ZNF804A: variants seen among roughly 807,000 people sequenced by gnomAD.
ZNF804A encodes the protein zinc finger protein 804A.
A neutral mutation model predicts 16.5 loss-of-function variants in ZNF804A; 2 were observed. That is an observed-to-expected ratio of 0.12 (90% confidence interval 0.05 to 0.38). The LOEUF (loss-of-function observed/expected upper bound fraction) is 0.38. Among genes scored for constraint, ZNF804A ranks in the 10% least tolerant of loss-of-function variants. The probability of loss-of-function intolerance (pLI) is 0.99; values close to 1 mark genes in which losing one functional copy is unlikely to be tolerated. For synonymous variants in ZNF804A, 534 were observed against 489.6 expected (o/e 1.09, Z -1.20); for missense variants, 1,473 against 1,390.7 (o/e 1.06, Z -0.94).
At chr2:184,802,295 T>C (rs1694739058) in intron 1 of ZNF804A, among the ~76,000 whole-genome samples, 1 of 152,170 alleles carries the variant, frequency 6.6e-6, no homozygotes, top group African/African-American at 2.4e-5. Context: ...CCAAGTAAAG[T>C]TAGGCTCTGC....
At chr2:184,631,132 G>T (rs930793640) in intron 1 of ZNF804A, among the ~76,000 whole-genome samples, 1 of 152,034 alleles carries the variant, frequency 6.6e-6, no homozygotes, top group Non-Finnish European at 1.5e-5. Context: ...AATATAAACA[G>T]CCATTCAAGC....
intron 1 of ZNF804A, among the ~76,000 whole-genome samples, chr2:184,854,824 A>G (rs890538397): frequency 2.6e-5 from 4 of 152,068 alleles, no homozygotes; most frequent in South Asian, 2.1e-4. Flanking sequence ...AAGTAAACAT[A>G]TGCTACTTAA....
intron 1 of ZNF804A, among the ~76,000 whole-genome samples, chr2:184,764,627 CA>C (rs1422528605): frequency 2.0e-5 from 3 of 152,016 alleles, no homozygotes; most frequent in African/African-American, 7.2e-5. Context: ...AAAAAAGATA[CA>C]AAACAACAAT....
At position 184,648,063 on chromosome 2, in the gene ZNF804A, G is replaced by A. The variant is rs190091565; in HGVS notation, c.111+48993G>A. 4.2e-3 allele frequency among the ~76,000 whole-genome samples: 641 copies of A among 152,204 alleles called. 3 individuals are homozygous for A. The highest frequency in any genetic ancestry group is 6.8e-3 in the Middle Eastern group (2 of 294). On this transcript the variant is annotated intron_variant, in intron 1 of 3. Transcript: ENST00000302277. ...TCAGCAGAACAAAGGCCAGATGGGG[G>A]CCCGATTTGCACATGTCCCCTAGAA...
chr2:184,917,667 A>G (rs1685471799), intron 2 of ZNF804A, among the ~76,000 whole-genome samples: 2 of 152,160 alleles, frequency 1.3e-5, no homozygotes, highest in South Asian at 4.2e-4. Context: ...TTAAACTATC[A>G]TAGGTGTGTG....
intron 2 of ZNF804A, among the ~76,000 whole-genome samples, chr2:184,884,584 T>C (rs1684857799): frequency 6.6e-6 from 1 of 152,010 alleles, no homozygotes; most frequent in Non-Finnish European, 1.5e-5. Context: ...CAGAGCACCA[T>C]GGTACTGATA....
chr2:184,722,286 T>A (rs1396629278), intron 1 of ZNF804A, among the ~76,000 whole-genome samples: 1 of 152,024 alleles, frequency 6.6e-6, no homozygotes, highest in African/African-American at 2.4e-5. Flanking sequence ...TGTAAGTAAA[T>A]CATCCGATGA....
At chr2:184,777,851 A>T (rs1694312330) in intron 1 of ZNF804A, among the ~76,000 whole-genome samples, 1 of 151,592 alleles carries the variant, frequency 6.6e-6, no homozygotes, top group Non-Finnish European at 1.5e-5. Context: ...GTGATGAACC[A>T]CTGTGTTTAC....
Position 184,797,855 on chromosome 2 carries a change from C to T in ZNF804A, c.112-68514C>T, listed in dbSNP as rs564729420. Among the ~76,000 whole-genome samples, 6 of 152,082 alleles carry T rather than the reference C, an allele frequency of 3.9e-5. No individual in the cohort carries two copies. In the East Asian group the frequency reaches 5.8e-4, roughly 15 times the overall value. On this transcript the variant is annotated intron_variant, in intron 1 of 3. Coordinates refer to ENST00000302277, the MANE Select transcript of ZNF804A (RefSeq NM_194250.2). The stretch of plus-strand genomic sequence containing the variant: ...TCTGTTTTGATGTGCTTCCAGGATG[C>T]GTTTCAAGATTTAGAGCTTCTTTTA...
chr2:184,917,383 A>C (rs1196250029), intron 2 of ZNF804A, among the ~76,000 whole-genome samples: 2 of 152,176 alleles, frequency 1.3e-5, no homozygotes, highest in African/African-American at 4.8e-5. Flanking sequence ...CTATGATGTA[A>C]AATTAACAAT....
chr2:184,887,681 C>T (rs957414837), intron 2 of ZNF804A, among the ~76,000 whole-genome samples: 7 of 152,156 alleles, frequency 4.6e-5, no homozygotes, highest in African/African-American at 1.4e-4. Flanking sequence ...ATAAACCCAT[C>T]AGATCTTGTG....
intron 1 of ZNF804A, among the ~76,000 whole-genome samples, chr2:184,706,096 T>C (rs1358999197): frequency 6.6e-6 from 1 of 152,176 alleles, no homozygotes; most frequent in Non-Finnish European, 1.5e-5. Context: ...ACATAACTCT[T>C]CACCAGACTT....
At chr2:184,784,425 G>A (rs553601470) in intron 1 of ZNF804A, among the ~76,000 whole-genome samples, 1 of 151,970 alleles carries the variant, frequency 6.6e-6, no homozygotes, top group Non-Finnish European at 1.5e-5. Context: ...CTTGCTGGAG[G>A]TCTGATGGCA....
rs75369354 is a variant in ZNF804A at position 184,611,827 on chromosome 2, G to A, written c.111+12757G>A. ...TATAAGAAGGCAACATAGGGGTGAT[G>A]TGTTTGCTGTGTACTTTATTTGCAT... On this transcript the variant is annotated intron_variant, in intron 1 of 3. Coordinates refer to ENST00000302277, the MANE Select transcript of ZNF804A (RefSeq NM_194250.2). Among the ~76,000 whole-genome samples the A allele has an allele frequency of 4.8e-3, 738 of 152,294 alleles. 5 individuals are homozygous for A. Among genetic ancestry groups the A allele is most frequent in the Non-Finnish European group, 8.6e-3 (584 of 68,010 alleles).
chr2:184,603,981 G>A (rs1348008000), intron 1 of ZNF804A, among the ~76,000 whole-genome samples: 1 of 151,822 alleles, frequency 6.6e-6, no homozygotes, highest in Non-Finnish European at 1.5e-5. Context: ...AAACATGCAA[G>A]CAGTATTTTA....
intron 1 of ZNF804A, among the ~76,000 whole-genome samples, chr2:184,652,837 G>A (rs1347251881): frequency 6.6e-6 from 1 of 152,020 alleles, no homozygotes; most frequent in East Asian, 1.9e-4. Context: ...TTCTCCTGAT[G>A]GTAAGTTCTT....
In ZNF804A at chr2:184,937,332, G is replaced by T; in HGVS notation, c.1936G>T (p.Ala646Ser). The change falls in exon 4 of 4, where the codon GCA becomes TCA. Residue 646 changes from alanine (A) to serine (S), a missense_variant. Coordinates refer to ENST00000302277, the MANE Select transcript of ZNF804A (RefSeq NM_194250.2). The part of the protein sequence containing the change: ...EPISEKQYLA[A>S]EQLLDSHQLL... ...AATTTCAGAAAAGCAGTATTTAGCT[G>T]CAGAGCAATTATTAGACTCACATCA... The T allele has an allele frequency of 6.2e-7, 1 of 1,613,902 alleles. No individual in the cohort carries two copies. The highest frequency in any genetic ancestry group is 1.1e-5 in the South Asian group (1 of 91,080).
intron 1 of ZNF804A, among the ~76,000 whole-genome samples, chr2:184,698,169 A>G (rs1692863649): frequency 6.6e-6 from 1 of 152,120 alleles, no homozygotes; most frequent in Admixed American, 6.5e-5. Flanking sequence ...TAGAAGTGCT[A>G]GAACAGTAAC....
At chr2:184,903,039 T>C (rs975423010) in intron 2 of ZNF804A, among the ~76,000 whole-genome samples, 11 of 152,180 alleles carry the variant, frequency 7.2e-5, no homozygotes, top group Non-Finnish European at 8.8e-5. Context: ...AACCATGTTC[T>C]TAAGAGAGTT....
Sources: allele counts gnomAD v4.1 joint callset (sites outside exome capture counted in the v4.1 genomes callset), GRCh38; gene constraint gnomAD v4.1.1; transcripts MANE v1.5; gene names NCBI Gene and HGNC (gene_info 2026-07-23, HGNC 2026-07-21).